The following JKAMP variants were observed in gnomAD, a reference collection of about 807,000 sequenced individuals.
The protein encoded by JKAMP is JNK1/MAPK8-associated membrane protein.
A neutral mutation model predicts 40.2 loss-of-function variants in JKAMP; 20 were observed. That is an observed-to-expected ratio of 0.50 (90% CI 0.35 to 0.72). The LOEUF is 0.72. JKAMP is among the 30% of genes least tolerant of loss of function. The pLI, the probability that JKAMP is intolerant of heterozygous loss-of-function variation, is 0.01. For synonymous variants in JKAMP, 138 were observed against 131.6 expected (o/e 1.05, Z -0.33); for missense variants, 276 against 373.0 (o/e 0.74, Z 2.14).
intron 1 of JKAMP, chr14:59,485,020 C>A: frequency 6.3e-7 from 1 of 1,597,414 alleles, no homozygotes; most frequent in Non-Finnish European, 8.5e-7. Context: ...AGGGCAGGAC[C>A]GCTGCAAAAA....
intron 3 of JKAMP, among the ~76,000 whole-genome samples, chr14:59,490,983 A>G (rs1890949643): frequency 6.6e-6 from 1 of 152,252 alleles, no homozygotes; most frequent in Non-Finnish European, 1.5e-5. Context: ...ATGCTCAGAC[A>G]GGAAAGGAGG....
Position 59,487,669 on chromosome 14 carries a change from T to A in JKAMP, c.97-5T>A. 6.2e-7 allele frequency: 1 copy of A among 1,609,260 alleles called. No homozygotes were observed. The highest frequency in any genetic ancestry group is 8.5e-7 in the Non-Finnish European group (1 of 1,175,790). ...TACACAAAATATTGGTTTTATATAT[T>A]ATAGGTATGCCCAAGAGGACAGAGA... On this transcript the variant is annotated splice_region_variant and splice_polypyrimidine_tract_variant and intron_variant, in intron 2 of 6. Coordinates refer to ENST00000616435, the MANE Select transcript of JKAMP (RefSeq NM_016475.5).
At chr14:59,484,809 GAA>G (rs905029390) in intron 1 of JKAMP, 2 of 922,640 alleles carry the variant, frequency 2.2e-6, no homozygotes, top group African/African-American at 3.4e-5. Context: ...TGTCTGCGGC[GAA>G]ATGCCAGGTC....
At chr14:59,495,336 T>C in intron 4 of JKAMP, 112 bp downstream of exon 4, 1 of 722,044 alleles carries the variant, frequency 1.4e-6, no homozygotes, top group Non-Finnish European at 2.3e-6. Flanking sequence ...GTTCTGGGTC[T>C]GCCAGCGGCT....
intron 4 of JKAMP, among the ~76,000 whole-genome samples, chr14:59,495,958 G>A (rs1891409854): frequency 6.6e-6 from 1 of 152,202 alleles, no homozygotes; most frequent in South Asian, 2.1e-4. Context: ...CTGGAGTGCA[G>A]TGGCACGAGA....
At chr14:59,489,702 A>C (rs1041305475) in intron 3 of JKAMP, among the ~76,000 whole-genome samples, 1 of 152,148 alleles carries the variant, frequency 6.6e-6, no homozygotes, top group African/African-American at 2.4e-5. Flanking sequence ...GTAATTTATA[A>C]AGAAAAGAGG....
chr14:59,493,685 C>T lies in JKAMP; in HGVS notation c.252-1333C>T, dbSNP rs117150788. On this transcript the variant is annotated intron_variant, in intron 3 of 6. Coordinates refer to ENST00000616435, the MANE Select transcript of JKAMP (RefSeq NM_016475.5). The stretch of plus-strand genomic sequence containing the variant: ...ACAGTACAAGTACTGTGACATAGCT[C>T]AGACCATTAAGTTACATAGGATTTA... Among the ~76,000 whole-genome samples the T allele has an allele frequency of 9.7e-3, 1,470 of 152,216 alleles. 13 individuals are homozygous for T. Among genetic ancestry groups the T allele is most frequent in the Middle Eastern group, 0.017 (5 of 294 alleles).
intron 4 of JKAMP, among the ~76,000 whole-genome samples, chr14:59,497,457 AAC>A (rs1335992049): frequency 6.6e-6 from 1 of 152,164 alleles, no homozygotes; most frequent in Non-Finnish European, 1.5e-5. Flanking sequence ...CATTTGGAGA[AAC>A]ACAGGATGGT....
intron 5 of JKAMP, 64 bp from the exon 6 acceptor site, chr14:59,501,127 T>C: frequency 2.0e-6 from 2 of 1,009,972 alleles, no homozygotes; most frequent in Non-Finnish European, 1.5e-6. Context: ...TATTTGAATT[T>C]ATTTGATGGT....
chr14:59,493,370 A>G (rs1891181210), intron 3 of JKAMP, among the ~76,000 whole-genome samples: 1 of 152,240 alleles, frequency 6.6e-6, no homozygotes, highest in Admixed American at 6.5e-5. Context: ...TAAATGCTGC[A>G]GCATGGTCAA....
At chr14:59,502,762 T>TGTTTTGTTTTTTG (rs1566583989) in intron 6 of JKAMP, among the ~76,000 whole-genome samples, 1 of 133,616 alleles carries the variant, frequency 7.5e-6, no homozygotes, top group Non-Finnish European at 1.6e-5. Context: ...TTTTTTTTTT[T>TGTTTTGTTTTTTG]TTTTTTTTTT....
Position 59,504,094 on chromosome 14 carries a change from A to G in JKAMP, c.*22A>G. 6.9e-7 allele frequency: 1 copy of G among 1,443,610 alleles called. No homozygotes were observed. 89.4% of individuals were successfully genotyped at this position (1,443,610 alleles called of 1,614,324 possible). ...CTGAGTGTAGACATGTGAAATGCCA[A>G]AAACCTGAGAAGTGCTCCTAATAAA... is the stretch of plus-strand genomic sequence containing the variant. On this transcript the variant is annotated 3_prime_UTR_variant, in exon 7 of 7. Coordinates refer to ENST00000616435, the MANE Select transcript of JKAMP (RefSeq NM_016475.5).
intron 2 of JKAMP, 137 bp downstream of exon 2, chr14:59,486,941 C>G: frequency 1.5e-6 from 1 of 659,772 alleles, no homozygotes; most frequent in Non-Finnish European, 2.6e-6. Flanking sequence ...TGGCTCATGC[C>G]TGTAATCCCA....
At chr14:59,500,460 T>C (rs1373093917) in intron 5 of JKAMP, among the ~76,000 whole-genome samples, 3 of 152,204 alleles carry the variant, frequency 2.0e-5, no homozygotes, top group Non-Finnish European at 1.5e-5. Context: ...AAAAGTGGTG[T>C]TTTAGAGGAA....
chr14:59,484,735 C>T (rs1890386277), intron 1 of JKAMP, 142 bp downstream of exon 1: 1 of 1,125,354 alleles, frequency 8.9e-7, no homozygotes, highest in South Asian at 1.4e-5. Flanking sequence ...GCCCTCGGGC[C>T]GGGCTCCGCA....
In JKAMP at chr14:59,495,100, GT is replaced by G. The variant is rs774685828; in HGVS notation, c.336del (p.Gly113ValfsTer11). 1 of 1,613,560 alleles carries G rather than the reference GT, an allele frequency of 6.2e-7. No homozygotes were observed. The highest frequency in any genetic ancestry group is 8.5e-7 in the Non-Finnish European group (1 of 1,179,542). On this transcript the variant is annotated frameshift_variant, in exon 4 of 7. Transcript: ENST00000616435. LOFTEE classifies it high-confidence loss of function. ...AIITLLVSDPVGVLYIRSCRV... is the reference protein window; with the variant it reads ...AIITLLVSDPXGVLYIRSCRV... ...TATCACCTTACTTGTGAGTGATCCA[GT>G]TGGTGTTCTTTATATTCGTTCATGT...
At chr14:59,502,449 G>A (rs953123905) in intron 6 of JKAMP, among the ~76,000 whole-genome samples, 1 of 152,170 alleles carries the variant, frequency 6.6e-6, no homozygotes, top group Non-Finnish European at 1.5e-5. Context: ...TTTTGGAGTG[G>A]TTACTGCTGA....
chr14:59,500,020 T>G (rs1891751158), intron 5 of JKAMP, among the ~76,000 whole-genome samples: 1 of 152,236 alleles, frequency 6.6e-6, no homozygotes, highest in South Asian at 2.1e-4. Flanking sequence ...TGATTTGCAC[T>G]AATTTGGGCT....
At chr14:59,493,807 C>T (rs10140084) in intron 3 of JKAMP, among the ~76,000 whole-genome samples, 58,870 of 151,566 alleles carry the variant, frequency 0.39, 12,103 homozygotes, top group African/African-American at 0.52. Context: ...ATGTACATGA[C>T]ATCAAGGATT....
Sources: allele counts gnomAD v4.1 joint callset (sites outside exome capture counted in the v4.1 genomes callset), GRCh38; gene constraint gnomAD v4.1.1; transcripts MANE v1.5; gene names NCBI Gene and HGNC (gene_info 2026-07-23, HGNC 2026-07-21).